NCKAP1L: variants seen among roughly 807,000 people sequenced by gnomAD.
The protein encoded by NCKAP1L is NCK associated protein 1 like.
NCKAP1L carries 53 observed loss-of-function variants against 139.2 expected under a neutral mutation model. The ratio of observed to expected loss-of-function variants is 0.38; its 90% confidence interval spans 0.31 to 0.48. NCKAP1L has a LOEUF of 0.48. NCKAP1L is among the 20% of genes least tolerant of loss of function. NCKAP1L has a pLI of 0.98. For synonymous variants in NCKAP1L, 468 were observed against 499.7 expected (o/e 0.94, Z 0.85); for missense variants, 1,151 against 1,381.9 (o/e 0.83, Z 2.65).
chr12:54,547,336 CTG>C lies in NCKAP1L; in HGVS notation c.*4654_*4655del, dbSNP rs1183951460. On this transcript the variant is annotated 3_prime_UTR_variant, in exon 31 of 31. Coordinates refer to ENST00000293373, the MANE Select transcript of NCKAP1L (RefSeq NM_005337.5). ...TGGCTCTGGTTTTATCACTTACTCT[CTG>C]TGAGACCCTATAATTTTTCTGGGTT... 1 of 152,174 alleles carries C rather than the reference CTG, an allele frequency of 6.6e-6. No individual in the cohort carries two copies. Among genetic ancestry groups the C allele is most frequent in the Non-Finnish European group, 1.5e-5 (1 of 68,044 alleles). 9.4% of individuals were successfully genotyped at this position (152,174 alleles called of 1,614,324 possible). A position where few individuals can be genotyped will look rare whatever the true frequency, so the allele number is the denominator to read the frequency against.
chr12:54,542,698 AC>A lies in NCKAP1L; in HGVS notation c.*16del, dbSNP rs1453735314. 6.5e-6 allele frequency: 10 copies of A among 1,530,222 alleles called. No individual in the cohort carries two copies. Among genetic ancestry groups the A allele is most frequent in the Admixed American group, 1.7e-5 (1 of 57,854 alleles). 94.8% of individuals were successfully genotyped at this position (1,530,222 alleles called of 1,614,324 possible). ...CCACCTAAACTGAATGCCTGCCAGT[AC>A]CCACTGAAGAGCCCTTTGGACCTTC... is the stretch of plus-strand genomic sequence containing the variant. On this transcript the variant is annotated 3_prime_UTR_variant, in exon 31 of 31. Transcript: ENST00000293373.
intron 11 of NCKAP1L, 106 bp downstream of exon 11, chr12:54,517,098 T>G: frequency 1.1e-6 from 1 of 910,394 alleles, no homozygotes; most frequent in Non-Finnish European, 1.8e-6. Context: ...TGTCATTCAT[T>G]TGTATGTATA....
At chr12:54,508,637 C>T (rs1157368159) in intron 5 of NCKAP1L, 106 bp downstream of exon 5, 3 of 1,195,574 alleles carry the variant, frequency 2.5e-6, no homozygotes, top group African/African-American at 1.5e-5. Context: ...TATATGAGAA[C>T]CTATAATCTA....
In NCKAP1L at chr12:54,531,248, ACT is replaced by A. The variant is rs1565681648; in HGVS notation, c.2507-9_2507-8del. 5 of 1,612,336 alleles carry A rather than the reference ACT, an allele frequency of 3.1e-6. No homozygotes were observed. The highest frequency in any genetic ancestry group is 3.4e-6 in the Non-Finnish European group (4 of 1,178,380). ...CTGAGTCCCATCTGGGGCCTCTGTAACTCTGTTCCAGAGATGCGGGCCTTGGC... is the reference window on the plus strand; with the variant it reads ...CTGAGTCCCATCTGGGGCCTCTGTAACTGTTCCAGAGATGCGGGCCTTGGC... On this transcript the variant is annotated splice_polypyrimidine_tract_variant and intron_variant, in intron 22 of 30. Transcript: ENST00000293373.
chr12:54,508,287 C>T (rs1956858698), intron 4 of NCKAP1L, 102 bp from the exon 5 acceptor site: 1 of 1,162,268 alleles, frequency 8.6e-7, no homozygotes, highest in Non-Finnish European at 1.2e-6. Flanking sequence ...TAAATAGATT[C>T]ACTCGGAATA....
chr12:54,534,739 A>G (rs1957100550), intron 26 of NCKAP1L, among the ~76,000 whole-genome samples: 1 of 152,206 alleles, frequency 6.6e-6, no homozygotes, highest in Admixed American at 6.5e-5. Flanking sequence ...AAGTTGAAAA[A>G]GTAAATTTGT....
At chr12:54,535,359 T>C (rs1017728293) in intron 27 of NCKAP1L, among the ~76,000 whole-genome samples, 162 bp downstream of exon 27, 8 of 152,222 alleles carry the variant, frequency 5.3e-5, no homozygotes, top group Non-Finnish European at 1.0e-4. Context: ...AATACTTACA[T>C]AGGCGATTTA....
chr12:54,518,688 T>C lies in NCKAP1L; in HGVS notation c.1376T>C (p.Met459Thr). Residue 459 changes from methionine (M) to threonine (T), a missense_variant, in exon 14 of 31, where the codon ATG (methionine) becomes ACG (threonine). Physicochemically the swap from Met to Thr is moderately conservative, Grantham distance 81. Coordinates refer to ENST00000293373, the MANE Select transcript of NCKAP1L (RefSeq NM_005337.5). ...SVCPEEESII[M>T]SSFVSILSSL... ...TGTCCAGAGGAGGAGTCCATCATCA[T>C]GTCCTCATTCGTCAGTATCCTCTCC... 1.2e-6 allele frequency: 2 copies of C among 1,614,166 alleles called. No individual in the cohort carries two copies. Among genetic ancestry groups the C allele is most frequent in the Admixed American group, 3.3e-5 (2 of 60,028 alleles).
chr12:54,540,852 G>T (rs1187513312), intron 30 of NCKAP1L, among the ~76,000 whole-genome samples: 1 of 152,236 alleles, frequency 6.6e-6, no homozygotes, highest in East Asian at 1.9e-4. Context: ...AGAGTGACGG[G>T]AACAGAGCTA....
chr12:54,541,760 T>C (rs1333316222), intron 30 of NCKAP1L, among the ~76,000 whole-genome samples: 1 of 152,140 alleles, frequency 6.6e-6, no homozygotes, highest in Non-Finnish European at 1.5e-5. Flanking sequence ...AACCCATCTG[T>C]GTGAATTGCC....
intron 28 of NCKAP1L, 198 bp downstream of exon 28, chr12:54,536,443 T>C: frequency 2.1e-6 from 1 of 476,418 alleles, no homozygotes; most frequent in East Asian, 4.0e-5. Flanking sequence ...GGTGGGTAGA[T>C]CACTTGAGCC....
Position 54,535,108 on chromosome 12 carries a change from C to T in NCKAP1L, c.2867C>T (p.Thr956Ile), listed in dbSNP as rs1026177279. The change falls in exon 27 of 31, where the codon ACC (threonine) becomes ATC (isoleucine). Residue 956 changes from threonine to isoleucine, a missense_variant. Thr to Ile is a moderately conservative substitution (Grantham distance 89). Coordinates refer to ENST00000293373, the MANE Select transcript of NCKAP1L (RefSeq NM_005337.5). ...FVTPDTDIKVTLSIFELASAA... is the reference protein window; with the variant it reads ...FVTPDTDIKVILSIFELASAA... ...ATGTTATTTTCTTCTCTCCAGGTGACCTTGAGTATCTTTGAGCTGGCATCT... is the reference window on the plus strand; with the variant it reads ...ATGTTATTTTCTTCTCTCCAGGTGATCTTGAGTATCTTTGAGCTGGCATCT... 6.2e-7 allele frequency: 1 copy of T among 1,613,212 alleles called. No individual in the cohort carries two copies. Among genetic ancestry groups the T allele is most frequent in the African/African-American group, 1.3e-5 (1 of 75,024 alleles).
chr12:54,521,152 T>C lies in NCKAP1L; in HGVS notation c.1792T>C (p.Cys598Arg), dbSNP rs1248148213. 1 of 1,614,110 alleles carries C rather than the reference T, an allele frequency of 6.2e-7. No homozygotes were observed. Among genetic ancestry groups the C allele is most frequent in the Non-Finnish European group, 8.5e-7 (1 of 1,180,002 alleles). ...PHLKNHGLHH[C>R]NSFLEELAKQ... ...CCTCAAGAACCATGGTCTTCACCAC[T>C]GCAACTCCTTCCTGGAAGAGTTGGC... Residue 598 changes from cysteine (C) to arginine (R), a missense_variant, in exon 18 of 31, where the codon TGC (cysteine) becomes CGC (arginine). Transcript: ENST00000293373.
At chr12:54,503,753 C>T (rs577529652) in intron 3 of NCKAP1L, among the ~76,000 whole-genome samples, 2 of 151,912 alleles carry the variant, frequency 1.3e-5, no homozygotes, top group South Asian at 4.2e-4. Context: ...AGTCTCCTGC[C>T]TCAGCCTCCT....
Position 54,497,838 on chromosome 12 carries a change from A to G in NCKAP1L, c.49A>G (p.Ile17Val). Residue 17 changes from isoleucine (I) to valine (V), a missense_variant, in exon 1 of 31, where the codon ATC (isoleucine) becomes GTC (valine). By Grantham distance (29) the Ile-to-Val change is conservative. Coordinates refer to ENST00000293373, the MANE Select transcript of NCKAP1L (RefSeq NM_005337.5). ...YQHKLAEKLT[I>V]LNDRGQGVLI... The stretch of plus-strand genomic sequence containing the variant: ...GCATAAATTAGCAGAGAAGCTCACT[A>G]TCCTGAATGATCGCGGTCAGGGGGT... 2 of 1,613,970 alleles carry G rather than the reference A, an allele frequency of 1.2e-6. No homozygotes were observed. The highest frequency in any genetic ancestry group is 1.7e-6 in the Non-Finnish European group (2 of 1,179,812).
chr12:54,506,089 A>C (rs965628490), intron 3 of NCKAP1L, among the ~76,000 whole-genome samples: 1 of 152,228 alleles, frequency 6.6e-6, no homozygotes, highest in African/African-American at 2.4e-5. Context: ...ACAAACTTTC[A>C]AGTACAAATC....
chr12:54,531,651 A>G, intron 24 of NCKAP1L, 67 bp downstream of exon 24: 1 of 1,599,760 alleles, frequency 6.3e-7, no homozygotes, highest in Non-Finnish European at 8.6e-7. Context: ...CAGGGTTTTC[A>G]GGAATCTGGA....
Position 54,518,916 on chromosome 12 carries a change from G to C in NCKAP1L, c.1423G>C (p.Asp475His). The C allele has an allele frequency of 1.2e-6, 2 of 1,613,704 alleles. 1 individual carries two copies. The highest frequency in any genetic ancestry group is 2.2e-5 in the South Asian group (2 of 91,068). The change falls in exon 15 of 31, where the codon GAT becomes CAT. Residue 475 changes from aspartate (D) to histidine (H), a missense_variant and splice_region_variant. Asp to His is a moderately conservative substitution (Grantham distance 81). Transcript: ENST00000293373. ...TTATACTTCCGTTTTTCTTGCAGTTGATAATGGAGAAAAATTTGAATTCTC... is the reference window on the plus strand; with the variant it reads ...TTATACTTCCGTTTTTCTTGCAGTTCATAATGGAGAAAAATTTGAATTCTC... ...ILSSLNLKQV[D>H]NGEKFEFSGL... is the part of the protein sequence containing the mutation.
intron 20 of NCKAP1L, among the ~76,000 whole-genome samples, chr12:54,524,722 G>T (rs1312088610): frequency 6.6e-6 from 1 of 152,104 alleles, no homozygotes. Context: ...ACTTCTAGTG[G>T]GGAAGATAGA....
Sources: gnomAD v4.1 joint callset for allele counts (sites outside exome capture counted in the v4.1 genomes callset) on GRCh38, gnomAD v4.1.1 for gene constraint, MANE v1.5 for transcripts, NCBI Gene and HGNC (gene_info 2026-07-23, HGNC 2026-07-21) for gene names.